Variants in TBCA observed in about 807,000 individuals in gnomAD.
TBCA encodes the protein tubulin folding cofactor A.
TBCA carries 6 observed loss-of-function variants against 15.8 expected under a neutral mutation model. The ratio of observed to expected loss-of-function variants is 0.38; its 90% CI spans 0.21 to 0.75. The LOEUF is 0.75. Ranked by LOEUF, TBCA falls within the 30% of genes least tolerant of loss-of-function variation. TBCA has a pLI of 0.46. For missense variants in TBCA, 90 were observed against 131.2 expected (o/e 0.69, Z 1.53); for synonymous variants, 32 against 42.3 (o/e 0.76, Z 0.94).
intron 1 of TBCA, among the ~76,000 whole-genome samples, chr5:77,767,925 A>C (rs952151108): frequency 2.6e-5 from 4 of 152,218 alleles, no homozygotes; most frequent in African/African-American, 9.6e-5. Context: ...TGGGGCCTTT[A>C]GGTGATTAGG....
At chr5:77,743,794 C>T (rs1002806388) in intron 1 of TBCA, among the ~76,000 whole-genome samples, 1 of 152,180 alleles carries the variant, frequency 6.6e-6, no homozygotes, top group East Asian at 1.9e-4. Context: ...GGAGTTTTCA[C>T]ATCTATAAAT....
At chr5:77,763,467 T>C (rs764802124) in intron 1 of TBCA, among the ~76,000 whole-genome samples, 1 of 152,102 alleles carries the variant, frequency 6.6e-6, no homozygotes, top group Non-Finnish European at 1.5e-5. Flanking sequence ...CGACTAAATG[T>C]TTGTGTGCCC....
At chr5:77,699,570 T>C (rs1437111157) in intron 2 of TBCA, among the ~76,000 whole-genome samples, 1 of 152,148 alleles carries the variant, frequency 6.6e-6, no homozygotes, top group Non-Finnish European at 1.5e-5. Flanking sequence ...TAACACTTTA[T>C]ATAAAAATTA....
intron 1 of TBCA, among the ~76,000 whole-genome samples, chr5:77,709,092 G>T (rs1746216252): frequency 6.6e-6 from 1 of 150,642 alleles, no homozygotes; most frequent in African/African-American, 2.4e-5. Flanking sequence ...TAGATTGCAT[G>T]TCAAATCCAA....
At chr5:77,727,239 GAAA>G (rs35477479) in intron 1 of TBCA, among the ~76,000 whole-genome samples, 2 of 81,042 alleles carry the variant, frequency 2.5e-5, no homozygotes, top group Admixed American at 3.3e-4. Flanking sequence ...TCTGTCTCAG[GAAA>G]AAAAAAAAAA....
At chr5:77,753,224 C>G (rs1407337371) in intron 1 of TBCA, among the ~76,000 whole-genome samples, 1 of 152,022 alleles carries the variant, frequency 6.6e-6, no homozygotes, top group East Asian at 1.9e-4. Context: ...TCAAATTTAC[C>G]AAATTAACCT....
chr5:77,699,309 GA>G (rs939276459), intron 2 of TBCA, among the ~76,000 whole-genome samples: 2 of 151,768 alleles, frequency 1.3e-5, no homozygotes. Flanking sequence ...AAATAATTTT[GA>G]AAAAAATAAA....
intron 1 of TBCA, among the ~76,000 whole-genome samples, chr5:77,715,005 T>C (rs1746366715): frequency 6.6e-6 from 1 of 152,184 alleles, no homozygotes; most frequent in Non-Finnish European, 1.5e-5. Context: ...ATGTAACATG[T>C]TAGATTGTGA....
intron 1 of TBCA, among the ~76,000 whole-genome samples, chr5:77,738,765 T>C (rs1746968034): frequency 6.6e-6 from 1 of 152,136 alleles, no homozygotes; most frequent in Non-Finnish European, 1.5e-5. Context: ...GTATTTTTAG[T>C]AGAGACAGGG....
intron 1 of TBCA, among the ~76,000 whole-genome samples, chr5:77,721,798 A>T (rs2652212): frequency 0.23 from 35,049 of 151,948 alleles, 4,780 homozygotes; most frequent in Non-Finnish European, 0.31. Flanking sequence ...CCTGTAGTTT[A>T]AAAAAAGTCT....
chr5:77,696,461 A>T (rs1745873383), intron 2 of TBCA, among the ~76,000 whole-genome samples: 1 of 152,210 alleles, frequency 6.6e-6, no homozygotes, highest in African/African-American at 2.4e-5. Flanking sequence ...CTTACGCTCT[A>T]ATGTATCAAT....
At chr5:77,716,047 C>T (rs1746392519) in intron 1 of TBCA, among the ~76,000 whole-genome samples, 1 of 152,154 alleles carries the variant, frequency 6.6e-6, no homozygotes, top group Non-Finnish European at 1.5e-5. Flanking sequence ...CCTTTAGGTA[C>T]TGTATTGCAT....
intron 1 of TBCA, among the ~76,000 whole-genome samples, chr5:77,726,610 C>T (rs1746635524): frequency 6.6e-6 from 1 of 152,096 alleles, no homozygotes; most frequent in Admixed American, 6.5e-5. Context: ...AAAATGAAAA[C>T]TCATTTAATA....
intron 1 of TBCA, among the ~76,000 whole-genome samples, chr5:77,751,431 G>A (rs528424716): frequency 2.0e-5 from 3 of 151,896 alleles, no homozygotes; most frequent in South Asian, 2.1e-4. Flanking sequence ...CACCTGCCTC[G>A]GGCTCCTAAA....
intron 1 of TBCA, among the ~76,000 whole-genome samples, chr5:77,753,125 A>G (rs1747392053): frequency 1.3e-5 from 2 of 151,872 alleles, no homozygotes; most frequent in Admixed American, 1.3e-4. Flanking sequence ...CTAAGAACCC[A>G]AATTCCCAGT....
chr5:77,692,766 T>C lies in TBCA; in HGVS notation c.246+500A>G, dbSNP rs1350636976. ...ATCACAAGGCATTTATACCAGCAAG[T>C]ATAAGTGTTATTCAGCTCCAAGTTA... On this transcript the variant is annotated intron_variant, in intron 3 of 3. Coordinates refer to ENST00000380377, the MANE Select transcript of TBCA (RefSeq NM_004607.3). The C allele has an allele frequency of 3.0e-6, 3 of 1,005,922 alleles. No homozygotes were observed. In the African/African-American group the frequency reaches 5.2e-5, roughly 18 times the overall value. The allele number at this position is 1,005,922 out of a possible 1,614,324, so 62.3% of individuals were successfully genotyped here.
chr5:77,773,133 G>C (rs1322452006), intron 1 of TBCA, among the ~76,000 whole-genome samples: 1 of 152,080 alleles, frequency 6.6e-6, no homozygotes, highest in Non-Finnish European at 1.5e-5. Context: ...GAACCAGTCT[G>C]GTAAAAGTCT....
intron 2 of TBCA, 82 bp downstream of exon 2, chr5:77,708,160 T>A: frequency 1.1e-6 from 1 of 872,570 alleles, no homozygotes; most frequent in Non-Finnish European, 1.8e-6. Flanking sequence ...ATAATCTCAG[T>A]CAGAGGACTA....
At chr5:77,750,231 A>G (rs1747292177) in intron 1 of TBCA, among the ~76,000 whole-genome samples, 1 of 151,716 alleles carries the variant, frequency 6.6e-6, no homozygotes, top group East Asian at 1.9e-4. Flanking sequence ...TATACATATG[A>G]TATATATATC....
Sources: allele counts gnomAD v4.1 joint callset (sites outside exome capture counted in the v4.1 genomes callset), GRCh38; gene constraint gnomAD v4.1.1; transcripts MANE v1.5; gene names NCBI Gene and HGNC (gene_info 2026-07-23, HGNC 2026-07-21).